KCNN2: variants seen among roughly 807,000 people sequenced by gnomAD.
KCNN2 encodes the protein small conductance calcium-activated potassium channel protein 2.
A neutral mutation model predicts 55.5 loss-of-function variants in KCNN2; 24 were observed. That is an observed-to-expected ratio of 0.43 (90% CI 0.31 to 0.61). The LOEUF (loss-of-function observed/expected upper bound fraction) is 0.61. Ranked by LOEUF, KCNN2 falls within the 20% of genes least tolerant of loss-of-function variation. The pLI is 0.08. For missense variants in KCNN2, 754 were observed against 853.6 expected (o/e 0.88, Z 1.45); for synonymous variants, 431 against 336.1 (o/e 1.28, Z -3.09).
In KCNN2 at chr5:114,203,450, T is replaced by G. The variant is rs879246002; in HGVS notation, c.-270-18030T>G. Among the ~76,000 whole-genome samples the G allele has an allele frequency of 3.9e-5, 6 of 152,342 alleles. No homozygotes were observed. In the South Asian group the frequency reaches 1.0e-3, roughly 26 times the overall value. ...TAGATTTACTTAGGGAATTTGAATT[T>G]TCATCAGTGCAAATATAAATTTATC... On this transcript the variant is annotated intron_variant, in intron 1 of 10. Coordinates refer to the KCNN2 transcript ENST00000512097.
At chr5:114,258,066 T>G (rs1005451176) in intron 2 of KCNN2, among the ~76,000 whole-genome samples, 3 of 152,210 alleles carry the variant, frequency 2.0e-5, no homozygotes, top group African/African-American at 7.2e-5. Flanking sequence ...AAGCTAAATT[T>G]TATCAAATGC....
chr5:114,079,472 A>T (rs1050927946), intron 1 of KCNN2, among the ~76,000 whole-genome samples: 1 of 152,186 alleles, frequency 6.6e-6, no homozygotes, highest in Admixed American at 6.5e-5. Flanking sequence ...GGTAGGGCAG[A>T]CCTAGGCTCA....
At chr5:114,405,716 G>GT (rs35870169) in intron 3 of KCNN2, among the ~76,000 whole-genome samples, 211 of 145,116 alleles carry the variant, frequency 1.5e-3, no homozygotes, top group East Asian at 5.1e-3. Context: ...GTTTTGTTTT[G>GT]TTTTTTTTTT....
chr5:114,148,065 G>A (rs1016988139), intron 1 of KCNN2, among the ~76,000 whole-genome samples: 1 of 152,186 alleles, frequency 6.6e-6, no homozygotes, highest in African/African-American at 2.4e-5. Context: ...CTGGCAAATA[G>A]TAGGACTGTT....
chr5:114,466,850 C>CAGAT (rs1407023687), intron 4 of KCNN2, among the ~76,000 whole-genome samples: 1 of 152,128 alleles, frequency 6.6e-6, no homozygotes, highest in African/African-American at 2.4e-5. Context: ...GAGGACACTT[C>CAGAT]AGATATCAGT....
At chr5:114,370,122 A>G (rs185746476) in intron 2 of KCNN2, among the ~76,000 whole-genome samples, 26 of 152,262 alleles carry the variant, frequency 1.7e-4, no homozygotes, top group Admixed American at 3.3e-4. Context: ...AAACTAGAAA[A>G]CACATGGAGG....
At chr5:114,227,854 G>A (rs1322384862) in intron 2 of KCNN2, among the ~76,000 whole-genome samples, 2 of 152,102 alleles carry the variant, frequency 1.3e-5, no homozygotes, top group African/African-American at 4.8e-5. Context: ...AGGTAAACAT[G>A]AAGAGTATAT....
chr5:114,373,642 A>ATG (rs1757836078), intron 2 of KCNN2, among the ~76,000 whole-genome samples: 3 of 94,688 alleles, frequency 3.2e-5, no homozygotes, highest in Non-Finnish European at 6.4e-5. Context: ...TGAAGATTTT[A>ATG]TATATATATA....
At chr5:114,469,393 G>T (rs935472844) in intron 4 of KCNN2, among the ~76,000 whole-genome samples, 15 of 151,952 alleles carry the variant, frequency 9.9e-5, no homozygotes, top group Non-Finnish European at 1.6e-4. Flanking sequence ...TCTTCATTTT[G>T]TTTTTAAATG....
chr5:114,474,159 T>G (rs1235719351), intron 5 of KCNN2, among the ~76,000 whole-genome samples: 1 of 152,218 alleles, frequency 6.6e-6, no homozygotes, highest in Non-Finnish European at 1.5e-5. Context: ...TCACTCACTC[T>G]TGATTTTGGT....
intron 1 of KCNN2, among the ~76,000 whole-genome samples, chr5:114,185,434 C>T (rs1375736693): frequency 2.6e-5 from 4 of 152,310 alleles, no homozygotes; most frequent in East Asian, 1.9e-4. Context: ...CCCACTGAGG[C>T]GGAGCCTCAG....
chr5:114,483,860 T>C (rs992815110), intron 5 of KCNN2, among the ~76,000 whole-genome samples: 3 of 152,140 alleles, frequency 2.0e-5, no homozygotes, highest in African/African-American at 7.2e-5. Flanking sequence ...AGAATTATTA[T>C]ACCTACTAAA....
chr5:114,359,810 C>G (rs865816340), upstream of KCNN2, among the ~76,000 whole-genome samples: 1 of 152,204 alleles, frequency 6.6e-6, no homozygotes, highest in South Asian at 2.1e-4. Flanking sequence ...CGTCCTAATA[C>G]ATGTTTGATG....
chr5:114,278,161 GT>G (rs1448194146), intron 2 of KCNN2, among the ~76,000 whole-genome samples: 5 of 152,164 alleles, frequency 3.3e-5, no homozygotes, highest in Non-Finnish European at 5.9e-5. Context: ...GTTTTCCTGG[GT>G]ATCACCAGTG....
intron 2 of KCNN2, among the ~76,000 whole-genome samples, chr5:114,245,475 G>C (rs754857455): frequency 6.6e-6 from 1 of 152,116 alleles, no homozygotes; most frequent in Non-Finnish European, 1.5e-5. Context: ...TTCAAAGAGG[G>C]AAAGTGAATT....
intron 3 of KCNN2, among the ~76,000 whole-genome samples, chr5:114,407,608 TA>T (rs1451505523): frequency 7.9e-5 from 12 of 152,194 alleles, no homozygotes; most frequent in African/African-American, 2.9e-4. Context: ...CAGGCTTTAT[TA>T]AAGGGTGATT....
At chr5:114,235,015 T>A (rs549378331) in intron 2 of KCNN2, among the ~76,000 whole-genome samples, 9 of 152,362 alleles carry the variant, frequency 5.9e-5, no homozygotes, top group African/African-American at 2.2e-4. Flanking sequence ...AGTTTCACAG[T>A]TATCCTTTCT....
intron 5 of KCNN2, among the ~76,000 whole-genome samples, chr5:114,475,968 T>A (rs1450528138): frequency 6.6e-6 from 1 of 152,216 alleles, no homozygotes; most frequent in Non-Finnish European, 1.5e-5. Flanking sequence ...TTAAGTACTG[T>A]TCTGGTTTCA....
intron 1 of KCNN2, among the ~76,000 whole-genome samples, chr5:114,156,075 G>A (rs112814831): frequency 6.6e-6 from 1 of 152,214 alleles, no homozygotes; most frequent in Non-Finnish European, 1.5e-5. Flanking sequence ...TAAGGAAGGG[G>A]TCTAATGTTT....
Sources: gnomAD v4.1 joint callset for allele counts (sites outside exome capture counted in the v4.1 genomes callset) on GRCh38, gnomAD v4.1.1 for gene constraint, MANE v1.5 for transcripts, NCBI Gene and HGNC (gene_info 2026-07-23, HGNC 2026-07-21) for gene names.